VPS13C: variants seen among roughly 807,000 people sequenced by gnomAD.
The protein encoded by VPS13C is intermembrane lipid transfer protein VPS13C.
In VPS13C, 358 loss-of-function variants were observed where a neutral mutation model predicts 456.8. That is an observed-to-expected ratio of 0.78 (90% confidence interval 0.72 to 0.86). VPS13C has a LOEUF of 0.86. Among genes scored for constraint, VPS13C ranks in the 40% least tolerant of loss-of-function variants. The probability of loss-of-function intolerance (pLI) is 0.00; values close to 1 mark genes in which losing one functional copy is unlikely to be tolerated. For synonymous variants in VPS13C, 1,578 were observed against 1,486.7 expected (o/e 1.06, Z -1.41); for missense variants, 4,818 against 4,385.4 (o/e 1.10, Z -2.79).
chr15:61,941,471 T>C (rs1380221914), intron 46 of VPS13C, among the ~76,000 whole-genome samples: 2 of 152,054 alleles, frequency 1.3e-5, no homozygotes, highest in South Asian at 2.1e-4. Flanking sequence ...ACGTGCAAAG[T>C]GAGAAAAATA....
chr15:61,922,073 CT>C, intron 54 of VPS13C, 40 bp from the exon 55 acceptor site: 1 of 1,586,480 alleles, frequency 6.3e-7, no homozygotes, highest in Admixed American at 1.7e-5. Context: ...AGTCCTTTGG[CT>C]TTAATTACAT....
chr15:62,007,767 T>G (rs933868908), intron 14 of VPS13C, among the ~76,000 whole-genome samples: 7 of 152,206 alleles, frequency 4.6e-5, no homozygotes, highest in Admixed American at 2.6e-4. Flanking sequence ...GGATGACTGA[T>G]AAGCGATAAA....
At chr15:61,907,753 CAT>C (rs2043191528) in intron 65 of VPS13C, among the ~76,000 whole-genome samples, 1 of 152,110 alleles carries the variant, frequency 6.6e-6, no homozygotes, top group Non-Finnish European at 1.5e-5. Flanking sequence ...TAAATTTAAA[CAT>C]ATTTTTTAAA....
chr15:61,940,230 T>G (rs189393665), intron 47 of VPS13C, among the ~76,000 whole-genome samples: 1 of 152,270 alleles, frequency 6.6e-6, no homozygotes, highest in Non-Finnish European at 1.5e-5. Flanking sequence ...TGTCTGAATA[T>G]CACTTTGCAT....
chr15:62,036,999 A>G (rs2048022326), intron 3 of VPS13C, among the ~76,000 whole-genome samples: 1 of 149,800 alleles, frequency 6.7e-6, no homozygotes, highest in South Asian at 2.1e-4. Context: ...GTAAACCAAA[A>G]AAAAAAGATA....
intron 1 of VPS13C, among the ~76,000 whole-genome samples, chr15:62,045,114 T>A (rs1353441751): frequency 1.3e-5 from 2 of 152,162 alleles, no homozygotes; most frequent in Non-Finnish European, 1.5e-5. Context: ...TTACATCATT[T>A]TAGAGATCTG....
intron 44 of VPS13C, 28 bp from the exon 45 acceptor site, chr15:61,945,910 A>T: frequency 6.4e-7 from 1 of 1,573,182 alleles, no homozygotes; most frequent in Non-Finnish European, 8.6e-7. Context: ...ACTGGTTATT[A>T]TATCAAAAGA....
intron 8 of VPS13C, among the ~76,000 whole-genome samples, chr15:62,020,781 G>C (rs982840272): frequency 1.3e-5 from 2 of 151,878 alleles, no homozygotes; most frequent in African/African-American, 4.8e-5. Flanking sequence ...ACTAGAAGAT[G>C]ACTCACTAAC....
At chr15:61,954,669 T>C in intron 37 of VPS13C, 115 bp from the exon 38 acceptor site, 1 of 999,700 alleles carries the variant, frequency 1.0e-6, no homozygotes, top group Non-Finnish European at 1.4e-6. Context: ...ATCCACGAAT[T>C]AGTAACAGCG....
intron 66 of VPS13C, among the ~76,000 whole-genome samples, chr15:61,890,820 GC>G (rs1391931369): frequency 1.3e-5 from 2 of 152,270 alleles, no homozygotes; most frequent in East Asian, 3.9e-4. Flanking sequence ...GCTGAAGCGG[GC>G]AAATCATCTG....
At chr15:61,941,426 G>A (rs2044420669) in intron 46 of VPS13C, among the ~76,000 whole-genome samples, 1 of 151,996 alleles carries the variant, frequency 6.6e-6, no homozygotes, top group Non-Finnish European at 1.5e-5. Context: ...ATATTACGAA[G>A]TTTTTTCCCA....
In VPS13C at chr15:61,881,776, G is replaced by A. The variant is rs763452528; in HGVS notation, c.9677C>T (p.Ala3226Val). 4.2e-5 allele frequency: 68 copies of A among 1,608,628 alleles called. No homozygotes were observed. Among genetic ancestry groups the A allele is most frequent in the Admixed American group, 1.5e-4 (9 of 58,730 alleles). Residue 3226 changes from alanine to valine, a missense_variant, in exon 70 of 85, where the codon GCC becomes GTC. Ala to Val is a moderately conservative substitution (Grantham distance 64). Transcript: ENST00000644861. ...AMFPVVFHPV[A>V]PPKSIALDSE... ...ATCTAAAGCAATAGATTTTGGAGGG[G>A]CAACAGGATGAAATACAACAGGGAA...
In VPS13C at chr15:62,010,577, A is replaced by T. The variant is rs772744221; in HGVS notation, c.906T>A (p.Ser302=). ...CATAAGGATTCATGTAGAGTTTTGC[A>T]GAGGCTGATATTGGCTGGAAAACTT... ...YQYIFQPISA[S]AKLYMNPYAE... The change falls in exon 13 of 85, where the codon TCT becomes TCA. Residue 302 remains serine, a synonymous_variant. Transcript: ENST00000644861. 1 of 1,612,278 alleles carries T rather than the reference A, an allele frequency of 6.2e-7. No individual in the cohort carries two copies. The highest frequency in any genetic ancestry group is 8.5e-7 in the Non-Finnish European group (1 of 1,179,338).
Position 61,951,881 on chromosome 15 carries a change from C to T in VPS13C, c.4399G>A (p.Asp1467Asn). 6.2e-7 allele frequency: 1 copy of T among 1,613,766 alleles called. No individual in the cohort carries two copies. Among genetic ancestry groups the T allele is most frequent in the South Asian group, 1.1e-5 (1 of 91,030 alleles). The stretch of plus-strand genomic sequence containing the variant: ...TTTAGATAAGCTTTAGCAGTCATGT[C>T]ATAGGTTTTAACTTTAGCTTCCATT... The part of the protein sequence containing the change: ...LGMEAKVKTY[D>N]MTAKAYLKKI... The change falls in exon 39 of 85, where the codon GAC becomes AAC. Residue 1467 changes from aspartate to asparagine, a missense_variant. Physicochemically the swap from Asp to Asn is conservative, Grantham distance 23. Coordinates refer to ENST00000644861, the MANE Select transcript of VPS13C (RefSeq NM_020821.3).
chr15:61,855,139 G>A (rs1430082991), intron 83 of VPS13C, among the ~76,000 whole-genome samples, 185 bp from the exon 84 acceptor site: 1 of 152,136 alleles, frequency 6.6e-6, no homozygotes, highest in Non-Finnish European at 1.5e-5. Flanking sequence ...TATGTGAGTT[G>A]TTAGAACTTA....
chr15:61,890,419 T>C lies in VPS13C; in HGVS notation c.9106-19A>G. The C allele has an allele frequency of 6.2e-7, 1 of 1,600,246 alleles. No homozygotes were observed. Among genetic ancestry groups the C allele is most frequent in the African/African-American group, 1.3e-5 (1 of 74,684 alleles). On this transcript the variant is annotated intron_variant, in intron 66 of 84. Coordinates refer to ENST00000644861, the MANE Select transcript of VPS13C (RefSeq NM_020821.3). ...ATCCATCCTGGGAAGAAGAAAGACT[T>C]CATTAAACCCACACATAGTAACTTG...
rs1378067066 is a variant in VPS13C, at chr15:61,910,211, T to C, written c.8810A>G (p.Gln2937Arg). The stretch of plus-strand genomic sequence containing the variant: ...TAAGCTCAATAAAGTGCCATTATCC[T>C]GTCGGTTATAAAAGAATGGTTTGGA... ...GSSKPFFYNRQDNGTLLSLED... is the reference protein window; with the variant it reads ...GSSKPFFYNRRDNGTLLSLED... The change falls in exon 64 of 85, where the codon CAG becomes CGG. Residue 2937 changes from glutamine to arginine, a missense_variant. Physicochemically the swap from Gln to Arg is conservative, Grantham distance 43. Around this residue, in one of 3 missense-constraint regions of VPS13C, gnomAD observed 4,552 missense variants for 4,130.6 expected, o/e 1.10. Coordinates refer to ENST00000644861, the MANE Select transcript of VPS13C (RefSeq NM_020821.3). 2 of 1,482,626 alleles carry C rather than the reference T, an allele frequency of 1.3e-6. No individual in the cohort carries two copies. The highest frequency in any genetic ancestry group is 9.0e-7 in the Non-Finnish European group (1 of 1,107,540). 91.8% of individuals were successfully genotyped at this position (1,482,626 alleles called of 1,614,324 possible).
At chr15:61,972,036 T>C (rs1288417712) in intron 27 of VPS13C, among the ~76,000 whole-genome samples, 1 of 152,202 alleles carries the variant, frequency 6.6e-6, no homozygotes, top group African/African-American at 2.4e-5. Context: ...TAAAAACCTG[T>C]AATCTCACCA....
At chr15:62,001,950 G>C (rs1050047247) in intron 15 of VPS13C, among the ~76,000 whole-genome samples, 1 of 152,134 alleles carries the variant, frequency 6.6e-6, no homozygotes, top group African/African-American at 2.4e-5. Context: ...CCGAGTCTTT[G>C]CTATTGTGAA....
Sources: allele counts gnomAD v4.1 joint callset (sites outside exome capture counted in the v4.1 genomes callset), GRCh38; gene constraint gnomAD v4.1.1; regional missense constraint gnomAD v4.1.1; transcripts MANE v1.5; gene names NCBI Gene and HGNC (gene_info 2026-07-23, HGNC 2026-07-21).